Variants in TRIM65 observed in about 807,000 individuals in gnomAD.
TRIM65 encodes the protein tripartite motif containing 65, also known as E3 ubiquitin-protein ligase TRIM65.
A neutral mutation model predicts 36.1 loss-of-function variants in TRIM65; 46 were observed. The observed-to-expected ratio is 1.27, with a 90% CI of 1.01 to 1.63. The LOEUF (loss-of-function observed/expected upper bound fraction) is 1.63, where lower values mean the gene tolerates loss of function less well. Among genes scored for constraint, TRIM65 ranks in the 40% most tolerant of loss-of-function variants. The pLI, the probability that TRIM65 is intolerant of heterozygous loss-of-function variation, is 0.00. For missense variants in TRIM65, 708 were observed against 696.6 expected, an observed-to-expected ratio of 1.02 and a Z score of -0.18; for synonymous variants, 346 against 313.6, an observed-to-expected ratio of 1.10 and a Z score of -1.09.
At position 75,896,518 on chromosome 17, in the gene TRIM65, C is replaced by T; in HGVS notation, c.414+6G>A. On this transcript the variant is annotated splice_donor_region_variant and intron_variant, in intron 1 of 5. Coordinates refer to ENST00000269383, the MANE Select transcript of TRIM65 (RefSeq NM_173547.4). ...GGACCCCTCCCGCTCCCGGCGGATG[C>T]GTCACCTCGCGCTTGAGGCGCTCGG... 1.5e-6 allele frequency: 2 copies of T among 1,319,360 alleles called. No individual in the cohort carries two copies. Among genetic ancestry groups the T allele is most frequent in the Non-Finnish European group, 9.6e-7 (1 of 1,036,748 alleles). 81.7% of individuals were successfully genotyped at this position (1,319,360 alleles called of 1,614,324 possible).
chr17:75,879,783 C>T (rs796714775), downstream of TRIM65, among the ~76,000 whole-genome samples: 8 of 150,722 alleles, frequency 5.3e-5, no homozygotes, highest in Admixed American at 1.3e-4. Context: ...GATGGAGTTT[C>T]GCTCTTGTCG....
intron 1 of TRIM65, 26 bp downstream of exon 1, chr17:75,896,498 C>T (rs1180742360): frequency 1.5e-5 from 20 of 1,311,848 alleles, no homozygotes; most frequent in Non-Finnish European, 1.8e-5. Context: ...GGTCCGGACC[C>T]CTCCCGCTCC....
At position 75,896,746 on chromosome 17, in the gene TRIM65, C is replaced by T; in HGVS notation, c.192G>A (p.Val64=). The T allele has an allele frequency of 6.8e-7, 1 of 1,481,212 alleles. No homozygotes were observed. The highest frequency in any genetic ancestry group is 1.3e-5 in the South Asian group (1 of 78,862). 91.8% of individuals were successfully genotyped at this position (1,481,212 alleles called of 1,614,324 possible). Residue 64 remains valine (V), a synonymous_variant, in exon 1 of 6, where the codon GTG becomes GTA. Coordinates refer to ENST00000269383, the MANE Select transcript of TRIM65 (RefSeq NM_173547.4). The part of the protein sequence containing the change: ...FPDGAELRRN[V]ALSGVLEVVR... ...CCACCTCCAGCACGCCGCTGAGGGC[C>T]ACGTTGCGGCGCAGCTCGGCGCCGT...
intron 4 of TRIM65, among the ~76,000 whole-genome samples, chr17:75,883,388 A>T (rs1006998491): frequency 8.5e-5 from 13 of 152,252 alleles, no homozygotes; most frequent in Admixed American, 2.6e-4. Context: ...AATTGCTGGG[A>T]CTACAGGCAA....
At chr17:75,883,818 C>T (rs1195247051) in intron 4 of TRIM65, among the ~76,000 whole-genome samples, 2 of 152,178 alleles carry the variant, frequency 1.3e-5, no homozygotes, top group South Asian at 2.1e-4. Context: ...TGAGCCACCG[C>T]GCCTGGCTTT....
Position 75,892,352 on chromosome 17 carries a change from AGCC to A in TRIM65, c.656_658del (p.Arg219del). 1 of 1,613,330 alleles carries A rather than the reference AGCC, an allele frequency of 6.2e-7. No homozygotes were observed. The highest frequency in any genetic ancestry group is 8.5e-7 in the Non-Finnish European group (1 of 1,179,950). On this transcript the variant is annotated inframe_deletion, in exon 3 of 6. Transcript: ENST00000269383. Reference sequence around the variant, plus strand: ...AGCCACAGCCTCCAAATGGACCCGCAGCCGCTGCTCCTCGTCTCGAGCCTGTGC... The same window carrying A: ...AGCCACAGCCTCCAAATGGACCCGCAGCTGCTCCTCGTCTCGAGCCTGTGC...
At chr17:75,885,350 C>T (rs1315659256), downstream of TRIM65, among the ~76,000 whole-genome samples, 2 of 152,174 alleles carry the variant, frequency 1.3e-5, no homozygotes, top group African/African-American at 2.4e-5. Flanking sequence ...GATCACAGCT[C>T]ACTACAGCCT....
downstream of TRIM65, among the ~76,000 whole-genome samples, chr17:75,886,130 T>C (rs1414928218): frequency 2.6e-5 from 4 of 152,196 alleles, no homozygotes; most frequent in South Asian, 2.1e-4. Flanking sequence ...CACGCTTTCC[T>C]TGCCTGCCTG....
At position 75,892,430 on chromosome 17, in the gene TRIM65, TG is replaced by T; in HGVS notation, c.580del (p.Gln194SerfsTer6). On this transcript the variant is annotated frameshift_variant, in exon 3 of 6. Transcript: ENST00000269383. LOFTEE classifies it high-confidence loss of function. ...FSSLLQALEI[Q>X]HTTALRSIEV... is the part of the protein sequence containing the mutation. ...GATGCTCCTCAGTGCTGTCGTGTGC[TG>T]TATTTCCAGGGCCTGTAGCAGGCTG... 12 of 1,614,144 alleles carry T rather than the reference TG, an allele frequency of 7.4e-6. No homozygotes were observed. Among genetic ancestry groups the T allele is most frequent in the Non-Finnish European group, 1.0e-5 (12 of 1,179,992 alleles).
In TRIM65 at chr17:75,891,334, C is replaced by G; in HGVS notation, c.999G>C (p.Leu333=). The change falls in exon 6 of 6, where the codon CTG becomes CTC. Residue 333 remains leucine (L), a synonymous_variant. Transcript: ENST00000269383. ...RRKLWQNYRN[L]TFDPVSANRH... ...GGTTGGCGCTGACTGGATCAAAGGTCAGATTGCGATAATCTGTTGGGGAAA... is the reference window on the plus strand; with the variant it reads ...GGTTGGCGCTGACTGGATCAAAGGTGAGATTGCGATAATCTGTTGGGGAAA... 1 of 1,613,368 alleles carries G rather than the reference C, an allele frequency of 6.2e-7. No homozygotes were observed. Among genetic ancestry groups the G allele is most frequent in the Non-Finnish European group, 8.5e-7 (1 of 1,180,018 alleles).
intron 2 of TRIM65, 74 bp from the exon 3 acceptor site, chr17:75,892,574 G>C (rs1408121059): frequency 7.1e-7 from 1 of 1,413,340 alleles, no homozygotes; most frequent in Non-Finnish European, 9.8e-7. Context: ...GGCCAGGGCT[G>C]CCTGCTGGGC....
chr17:75,888,108 A>AT (rs2065222754), downstream of TRIM65, among the ~76,000 whole-genome samples: 1 of 151,932 alleles, frequency 6.6e-6, no homozygotes, highest in Admixed American at 6.6e-5. Context: ...GTGAGCCGAG[A>AT]TTGAGCCACT....
At chr17:75,881,235 CAAAAAA>C (rs58718762) in intron 4 of TRIM65, among the ~76,000 whole-genome samples, 20 of 110,270 alleles carry the variant, frequency 1.8e-4, no homozygotes, top group Non-Finnish European at 2.6e-4. Context: ...GACTCCATCT[CAAAAAA>C]AAAAAAAAAA....
At chr17:75,891,780 A>C in intron 5 of TRIM65, 33 bp downstream of exon 5, 1 of 1,593,898 alleles carries the variant, frequency 6.3e-7, no homozygotes, top group Non-Finnish European at 8.5e-7. Context: ...ACACGCACAC[A>C]CAGGGGCACA....
chr17:75,882,503 C>G (rs2065174889), intron 4 of TRIM65, among the ~76,000 whole-genome samples: 1 of 150,776 alleles, frequency 6.6e-6, no homozygotes, highest in Non-Finnish European at 1.5e-5. Context: ...GCCACCGCGC[C>G]CAGCCTGGCA....
Position 75,896,637 on chromosome 17 carries a change from G to A in TRIM65, c.301C>T (p.Pro101Ser), listed in dbSNP as rs1488850129. ...TCGGTCCGGCAGAAGAGCTCCAGCG[G>A]CCGCCCGTGGCGGGGGCAGCGCGCG... ...PAARCPRHGR[P>S]LELFCRTEGR... Residue 101 changes from proline to serine, a missense_variant, in exon 1 of 6, where the codon CCG becomes TCG. Coordinates refer to ENST00000269383, the MANE Select transcript of TRIM65 (RefSeq NM_173547.4). 2 of 1,242,668 alleles carry A rather than the reference G, an allele frequency of 1.6e-6. No homozygotes were observed. Among genetic ancestry groups the A allele is most frequent in the Non-Finnish European group, 2.0e-6 (2 of 997,198 alleles). The allele number at this position is 1,242,668 out of a possible 1,614,324, so 77.0% of individuals were successfully genotyped here.
downstream of TRIM65, among the ~76,000 whole-genome samples, chr17:75,888,109 T>C (rs546339847): frequency 5.3e-5 from 8 of 151,662 alleles, no homozygotes; most frequent in African/African-American, 1.2e-4. Context: ...TGAGCCGAGA[T>C]TGAGCCACTG....
At chr17:75,883,820 C>T (rs1439488713) in intron 4 of TRIM65, among the ~76,000 whole-genome samples, 1 of 152,072 alleles carries the variant, frequency 6.6e-6, no homozygotes, top group South Asian at 2.1e-4. Flanking sequence ...AGCCACCGCG[C>T]CTGGCTTTTT....
intron 5 of TRIM65, 151 bp from the exon 6 acceptor site, chr17:75,891,498 T>C (rs2065266413): frequency 5.8e-6 from 5 of 867,152 alleles, no homozygotes; most frequent in Non-Finnish European, 8.9e-6. Context: ...CGGAATCCTC[T>C]ATCAGCCCCG....
Sources: allele counts gnomAD v4.1 joint callset (sites outside exome capture counted in the v4.1 genomes callset), GRCh38; gene constraint gnomAD v4.1.1; transcripts MANE v1.5; gene names NCBI Gene and HGNC (gene_info 2026-07-23, HGNC 2026-07-21).